Variants in MAPK8IP3 observed in about 807,000 individuals in gnomAD.
MAPK8IP3 encodes the protein C-Jun-amino-terminal kinase-interacting protein 3.
A neutral mutation model predicts 157.8 loss-of-function variants in MAPK8IP3; 49 were observed. The observed-to-expected ratio is 0.31, with a 90% CI of 0.25 to 0.39. The LOEUF (loss-of-function observed/expected upper bound fraction) is 0.39. Among genes scored for constraint, MAPK8IP3 ranks in the 10% least tolerant of loss-of-function variants. The pLI, the probability that MAPK8IP3 is intolerant of heterozygous loss-of-function variation, is 1.00. For missense variants in MAPK8IP3, 1,478 were observed against 1,889.4 expected, an observed-to-expected ratio of 0.78 and a Z score of 4.04; for synonymous variants, 897 against 777.7, an observed-to-expected ratio of 1.15 and a Z score of -2.55.
intron 1 of MAPK8IP3, among the ~76,000 whole-genome samples, chr16:1,711,074 G>A (rs1037542749): frequency 3.3e-5 from 5 of 152,260 alleles, no homozygotes; most frequent in African/African-American, 1.2e-4. Context: ...ACAGGGCCGA[G>A]AGCTGAGAGA....
rs2041290289 is a variant in MAPK8IP3, at chr16:1,751,553, C to A, written c.1216+2833C>A. On this transcript the variant is annotated intron_variant, in intron 8 of 31. Transcript: ENST00000610761. The surrounding 1 kb of genome is among the most constrained non-coding windows in gnomAD (Gnocchi z 5.0). ...CCAGAACAGCAGCCCTAACTCTGAGCAAGGTCTGTGCTGTTCAGTAGCTCT... is the reference window on the plus strand; with the variant it reads ...CCAGAACAGCAGCCCTAACTCTGAGAAAGGTCTGTGCTGTTCAGTAGCTCT... 6.6e-6 allele frequency: 1 copy of A among 152,178 alleles called. No homozygotes were observed. The highest frequency in any genetic ancestry group is 1.5e-5 in the Non-Finnish European group (1 of 68,056). 9.4% of individuals were successfully genotyped at this position (152,178 alleles called of 1,614,324 possible). A position where few individuals can be genotyped will look rare whatever the true frequency, so the allele number is the denominator to read the frequency against.
At chr16:1,766,169 C>A (rs2042247953) in intron 21 of MAPK8IP3, 27 bp downstream of exon 21, 1 of 1,601,748 alleles carries the variant, frequency 6.2e-7, no homozygotes, top group East Asian at 2.2e-5. Flanking sequence ...TTTCCCCCAT[C>A]CCCTCATTCC....
intron 8 of MAPK8IP3, among the ~76,000 whole-genome samples, chr16:1,755,743 A>G (rs772815826): frequency 2.6e-5 from 4 of 151,862 alleles, no homozygotes; most frequent in Non-Finnish European, 5.9e-5. Flanking sequence ...GCTACTCAGA[A>G]GACTAAGGCA....
intron 13 of MAPK8IP3, 41 bp downstream of exon 13, chr16:1,761,346 A>G: frequency 1.9e-6 from 3 of 1,573,114 alleles, no homozygotes; most frequent in Non-Finnish European, 8.7e-7. Context: ...GGCGTCCACC[A>G]TTCACTTTTC....
chr16:1,765,886 CT>C (rs2042227886), intron 20 of MAPK8IP3, 73 bp from the exon 21 acceptor site: 1 of 1,384,754 alleles, frequency 7.2e-7, no homozygotes, highest in Non-Finnish European at 9.9e-7. Context: ...TCCTCTGCCC[CT>C]GTGTAAGTGC....
intron 16 of MAPK8IP3, 147 bp from the exon 17 acceptor site, chr16:1,763,510 C>A: frequency 8.4e-7 from 1 of 1,196,252 alleles, no homozygotes; most frequent in African/African-American, 1.6e-5. Flanking sequence ...GAAAGCCACC[C>A]TTCCCAGCTG....
At position 1,769,962 on chromosome 16, in the gene MAPK8IP3, C is replaced by T. The variant is rs912465111; in HGVS notation, c.*1138C>T. 1.3e-5 allele frequency: 2 copies of T among 152,378 alleles called. No homozygotes were observed. Among genetic ancestry groups the T allele is most frequent in the Admixed American group, 1.3e-4 (2 of 15,296 alleles). The allele number at this position is 152,378 out of a possible 1,614,324, so 9.4% of individuals were successfully genotyped here. On this transcript the variant is annotated 3_prime_UTR_variant, in exon 32 of 32. Transcript: ENST00000610761. ...CTGCTCTCCCTGCCCAGCTGGGCCTCTCTGGCCTATTCCTACCTTCCAGGC... is the reference window on the plus strand; with the variant it reads ...CTGCTCTCCCTGCCCAGCTGGGCCTTTCTGGCCTATTCCTACCTTCCAGGC...
intron 5 of MAPK8IP3, chr16:1,745,504 C>T (rs963161275): frequency 2.0e-5 from 3 of 152,328 alleles, no homozygotes; most frequent in African/African-American, 4.8e-5. Flanking sequence ...AGCCACAGGC[C>T]GTCTCAGACA....
rs2037900941 is a variant in MAPK8IP3, at chr16:1,713,065, C to T, written c.318+6408C>T. Among the ~76,000 whole-genome samples the T allele has an allele frequency of 2.0e-5, 3 of 152,232 alleles. No individual in the cohort carries two copies. The South Asian group carries it at 6.2e-4, about 31-fold the overall frequency. Reference sequence around the variant, plus strand: ...GCCGGCTTTCCTCTGTCTCTGCACACATCTCACCAAACTGTGCAGTTCCGG... The same window carrying T: ...GCCGGCTTTCCTCTGTCTCTGCACATATCTCACCAAACTGTGCAGTTCCGG... On this transcript the variant is annotated intron_variant, in intron 1 of 31. Transcript: ENST00000610761.
At chr16:1,732,722 C>T (rs1241043707) in intron 4 of MAPK8IP3, among the ~76,000 whole-genome samples, 1 of 152,060 alleles carries the variant, frequency 6.6e-6, no homozygotes, top group Non-Finnish European at 1.5e-5. Context: ...CCACCTGGAG[C>T]ACCATGAGAA....
intron 1 of MAPK8IP3, among the ~76,000 whole-genome samples, chr16:1,714,473 C>T (rs763764847): frequency 5.4e-5 from 8 of 147,090 alleles, no homozygotes; most frequent in Non-Finnish European, 8.8e-5. Flanking sequence ...CAAGACCTCT[C>T]CTCCGTGTGG....
chr16:1,764,905 C>G, intron 19 of MAPK8IP3, 108 bp from the exon 20 acceptor site: 1 of 1,106,208 alleles, frequency 9.0e-7, no homozygotes, highest in Admixed American at 2.3e-5. Context: ...TCCCCTCAAG[C>G]TGTAGTCAAG....
chr16:1,767,755 G>T lies in MAPK8IP3; in HGVS notation c.3409+20G>T. 1 of 1,611,788 alleles carries T rather than the reference G, an allele frequency of 6.2e-7. No individual in the cohort carries two copies. ...TGCTAGGTGAGGGGCCACGCCAGAT[G>T]GGGTGGTGGGGTGCTCAAGGCCAGC... On this transcript the variant is annotated intron_variant, in intron 27 of 31. Coordinates refer to ENST00000610761, the MANE Select transcript of MAPK8IP3 (RefSeq NM_001318852.2).
intron 4 of MAPK8IP3, among the ~76,000 whole-genome samples, chr16:1,732,989 C>T (rs765073109): frequency 1.3e-5 from 2 of 152,266 alleles, no homozygotes; most frequent in African/African-American, 2.4e-5. Context: ...TTCGCAGCTC[C>T]CGTCTCGTGG....
rs749005321 is a variant in MAPK8IP3 at position 1,743,498 on chromosome 16, G to A, written c.747+22G>A. ...CCAGGTTTTGTAGCCGTGCCGTGGA[G>A]TGAGAGGCTCCTCCCTGTTGCTGGT... On this transcript the variant is annotated intron_variant, in intron 5 of 31. Transcript: ENST00000610761. This position sits in a 1 kb window ranked among gnomAD's most constrained non-coding sequence, Gnocchi z 5.6. 16 of 1,605,302 alleles carry A rather than the reference G, an allele frequency of 1.0e-5. No homozygotes were observed. In the East Asian group the frequency reaches 3.4e-4, roughly 34 times the overall value.
intron 1 of MAPK8IP3, chr16:1,708,028 G>A (rs564611533): frequency 2.6e-5 from 4 of 152,314 alleles, no homozygotes; most frequent in African/African-American, 9.6e-5. Flanking sequence ...CTTCGTGTCT[G>A]TCGCGAGGTG....
In MAPK8IP3 at chr16:1,744,731, C is replaced by G. The variant is rs969223407; in HGVS notation, c.747+1255C>G. The G allele has an allele frequency of 9.1e-6, 9 of 985,408 alleles. No individual in the cohort carries two copies. The South Asian group carries it at 3.3e-4, about 36-fold the overall frequency. The allele number at this position is 985,408 out of a possible 1,614,324, so 61.0% of individuals were successfully genotyped here. On this transcript the variant is annotated intron_variant, in intron 5 of 31. Coordinates refer to ENST00000610761, the MANE Select transcript of MAPK8IP3 (RefSeq NM_001318852.2). ...CTGCCTCTCGCGCCCGCTCTGGGCC[C>G]GCTCTTCTTCTCATGATGTCTTTCC...
Position 1,706,713 on chromosome 16 carries a change from GGGCCCC to G in MAPK8IP3, c.318+59_318+64del. On this transcript the variant is annotated intron_variant, in intron 1 of 31. Transcript: ENST00000610761. The surrounding 1 kb of genome is among the most constrained non-coding windows in gnomAD (Gnocchi z 5.1). ...CCGTCCCGGACCCCCAGCCAGCCCC[GGGCCCC>G]GGACCCAACACCCGTCCCGACCCCA... 6.9e-7 allele frequency: 1 copy of G among 1,439,086 alleles called. No homozygotes were observed. The highest frequency in any genetic ancestry group is 9.1e-7 in the Non-Finnish European group (1 of 1,099,646). 89.1% of individuals were successfully genotyped at this position (1,439,086 alleles called of 1,614,324 possible). A position where few individuals can be genotyped will look rare whatever the true frequency, so the allele number is the denominator to read the frequency against.
rs1169777648 is a variant in MAPK8IP3 at position 1,767,809 on chromosome 16, T to G, written c.3414T>G (p.Thr1138=). The change falls in exon 28 of 32, where the codon ACT becomes ACG. Residue 1138 remains threonine (T), a synonymous_variant. Transcript: ENST00000610761. ...CCTGACCGCTCTCCCCCACAGGCACTGGCAAGCTGGGTTTCTCCTTCGTAC... is the reference window on the plus strand; with the variant it reads ...CCTGACCGCTCTCCCCCACAGGCACGGGCAAGCTGGGTTTCTCCTTCGTAC... ...IEPYVSKMLG[T]GKLGFSFVRI... The G allele has an allele frequency of 6.2e-7, 1 of 1,611,100 alleles. No homozygotes were observed. The highest frequency in any genetic ancestry group is 8.5e-7 in the Non-Finnish European group (1 of 1,179,886).
Sources: allele counts gnomAD v4.1 joint callset (sites outside exome capture counted in the v4.1 genomes callset), GRCh38; gene constraint gnomAD v4.1.1; non-coding constraint Gnocchi (gnomAD v3.1); transcripts MANE v1.5; gene names NCBI Gene and HGNC (gene_info 2026-07-23, HGNC 2026-07-21).